FAT3: variants seen among roughly 807,000 people sequenced by gnomAD.
FAT3 encodes protocadherin Fat 3.
Under a neutral mutation model 310.2 loss-of-function variants are expected in FAT3, and 95 were observed. That is an observed-to-expected ratio of 0.31 (90% confidence interval 0.26 to 0.36). The LOEUF (loss-of-function observed/expected upper bound fraction) is 0.36. Among genes scored for constraint, FAT3 ranks in the 10% least tolerant of loss-of-function variants. The probability of loss-of-function intolerance (pLI) is 1.00; values close to 1 mark genes in which losing one functional copy is unlikely to be tolerated. For missense variants in FAT3, 5,408 were observed against 5,715.6 expected, an observed-to-expected ratio of 0.95 and a Z score of 1.74; for synonymous variants, 2,314 against 2,192.9, an observed-to-expected ratio of 1.06 and a Z score of -1.54.
intron 2 of FAT3, among the ~76,000 whole-genome samples, chr11:92,464,547 A>G (rs1426857041): frequency 6.6e-6 from 1 of 152,174 alleles, no homozygotes; most frequent in African/African-American, 2.4e-5. Flanking sequence ...CGTGGCATGG[A>G]TGCCTCAGCA....
chr11:92,560,131 T>C (rs1411248358), intron 3 of FAT3, among the ~76,000 whole-genome samples: 1 of 152,208 alleles, frequency 6.6e-6, no homozygotes, highest in Non-Finnish European at 1.5e-5. Flanking sequence ...TCTGACTTTT[T>C]GTTTTTAGCC....
intron 26 of FAT3, 25 bp downstream of exon 26, chr11:92,889,273 C>A: frequency 1.4e-6 from 1 of 690,778 alleles, no homozygotes; most frequent in Non-Finnish European, 2.7e-6. Context: ...TCTTCCATAG[C>A]ATTTCTTGAA....
chr11:92,538,621 C>A (rs930086039), intron 3 of FAT3, among the ~76,000 whole-genome samples: 2 of 152,066 alleles, frequency 1.3e-5, no homozygotes, highest in African/African-American at 4.8e-5. Context: ...ATACTACATA[C>A]TCATGTTTTG....
intron 2 of FAT3, among the ~76,000 whole-genome samples, chr11:92,465,593 C>T (rs1951739019): frequency 6.6e-6 from 1 of 152,104 alleles, no homozygotes; most frequent in East Asian, 1.9e-4. Context: ...AACCATCATT[C>T]TGAGCAAACT....
intron 3 of FAT3, among the ~76,000 whole-genome samples, chr11:92,690,833 G>A (rs545286431): frequency 2.5e-4 from 38 of 152,070 alleles, no homozygotes; most frequent in African/African-American, 8.9e-4. Flanking sequence ...GGAAAGAGGT[G>A]GAAATAGGGG....
intron 1 of FAT3, among the ~76,000 whole-genome samples, chr11:92,299,282 A>T (rs1946930198): frequency 6.6e-6 from 1 of 152,100 alleles, no homozygotes; most frequent in Non-Finnish European, 1.5e-5. Flanking sequence ...AAGAAAGACA[A>T]GATTTGCTTC....
In FAT3 at chr11:92,883,834, T is replaced by C. The variant is rs1565678382; in HGVS notation, c.12937+441T>C. Among the ~76,000 whole-genome samples, 2 of 152,228 alleles carry C rather than the reference T, an allele frequency of 1.3e-5. No homozygotes were observed. Among genetic ancestry groups the C allele is most frequent in the Non-Finnish European group, 2.9e-5 (2 of 68,052 alleles). On this transcript the variant is annotated intron_variant, in intron 24 of 27. Coordinates refer to ENST00000525166, the MANE Select transcript of FAT3 (RefSeq NM_001367949.2). This position sits in a 1 kb window ranked among gnomAD's most constrained non-coding sequence, Gnocchi z 4.2. ...TTGAGTGATGTCCAGAAGTGTGCTCTGGAAGGCTGGAAGAAGAGAGTATTT... is the reference window on the plus strand; with the variant it reads ...TTGAGTGATGTCCAGAAGTGTGCTCCGGAAGGCTGGAAGAAGAGAGTATTT...
At chr11:92,315,512 T>TATATATATAGAGAG (rs1353970811) in intron 1 of FAT3, among the ~76,000 whole-genome samples, 5 of 56,170 alleles carry the variant, frequency 8.9e-5, no homozygotes, top group Non-Finnish European at 1.3e-4. Flanking sequence ...TATATATATA[T>TATATATATAGAGAG]AGAGAGAGAG....
At chr11:92,492,855 GT>G (rs1185773757) in intron 2 of FAT3, among the ~76,000 whole-genome samples, 12 of 152,028 alleles carry the variant, frequency 7.9e-5, no homozygotes, top group African/African-American at 2.7e-4. Context: ...ACAAATGCTG[GT>G]TCCCTTCTCC....
chr11:92,702,309 A>G (rs1944122309), intron 4 of FAT3, among the ~76,000 whole-genome samples: 1 of 152,200 alleles, frequency 6.6e-6, no homozygotes, highest in South Asian at 2.1e-4. Flanking sequence ...GAATGCTTAC[A>G]TTAAGAGACG....
intron 1 of FAT3, among the ~76,000 whole-genome samples, chr11:92,320,099 AC>A (rs1947570768): frequency 6.6e-6 from 1 of 152,218 alleles, no homozygotes; most frequent in Non-Finnish European, 1.5e-5. Flanking sequence ...ATTCACTGAA[AC>A]AAAACTCTGG....
chr11:92,229,488 TCGTG>T (rs1262540317), intron 1 of FAT3, among the ~76,000 whole-genome samples: 5 of 124,572 alleles, frequency 4.0e-5, no homozygotes, highest in East Asian at 2.2e-4. Flanking sequence ...TTTTGTTTTT[TCGTG>T]TTTTTTTTTT....
intron 3 of FAT3, among the ~76,000 whole-genome samples, chr11:92,687,110 T>G (rs1943656852): frequency 1.3e-5 from 2 of 152,160 alleles, no homozygotes; most frequent in Admixed American, 6.6e-5. Flanking sequence ...CCCAGGGCTA[T>G]TAGGGTTTTT....
chr11:92,705,450 ATGGTGGTGTG>A (rs1944261032), intron 4 of FAT3, among the ~76,000 whole-genome samples: 1 of 48,136 alleles, frequency 2.1e-5, no homozygotes, highest in Non-Finnish European at 4.7e-5. Context: ...TGGTGGTGTG[ATGGTGGTGTG>A]ATGGTGGTGG....
At chr11:92,515,890 G>A (rs993479636) in intron 2 of FAT3, among the ~76,000 whole-genome samples, 6 of 152,072 alleles carry the variant, frequency 3.9e-5, no homozygotes, top group African/African-American at 1.4e-4. Context: ...GATCATCTAT[G>A]TACAAAACTA....
intron 3 of FAT3, among the ~76,000 whole-genome samples, chr11:92,664,609 G>T (rs1942895120): frequency 6.6e-6 from 1 of 152,058 alleles, no homozygotes; most frequent in Admixed American, 6.6e-5. Flanking sequence ...ACACACACAT[G>T]CACACTTTTT....
In FAT3 at chr11:92,688,009, A is replaced by T. The variant is rs991561677; in HGVS notation, c.3608-9375A>T. Among the ~76,000 whole-genome samples the T allele has an allele frequency of 2.6e-4, 40 of 151,820 alleles. 1 individual carries two copies. The highest frequency in any genetic ancestry group is 9.7e-4 in the African/African-American group (40 of 41,386). On this transcript the variant is annotated intron_variant, in intron 3 of 27. Transcript: ENST00000525166. ...TTGAGGCCAGGAATTTGAGACCAGG[A>T]ATTAGAGACCACATCTCTACCAAAA...
chr11:92,695,181 G>A (rs763434586), intron 3 of FAT3, among the ~76,000 whole-genome samples: 3 of 152,140 alleles, frequency 2.0e-5, no homozygotes. Flanking sequence ...GTCAGAAGAA[G>A]TAAGGTCAAT....
At chr11:92,768,213 T>G (rs1206885204) in intron 6 of FAT3, among the ~76,000 whole-genome samples, 1 of 152,206 alleles carries the variant, frequency 6.6e-6, no homozygotes, top group African/African-American at 2.4e-5. Flanking sequence ...GGGTTGTCCC[T>G]CTGGTCTGGA....
Sources: allele counts gnomAD v4.1 joint callset (sites outside exome capture counted in the v4.1 genomes callset), GRCh38; gene constraint gnomAD v4.1.1; non-coding constraint Gnocchi (gnomAD v3.1); transcripts MANE v1.5; gene names NCBI Gene and HGNC (gene_info 2026-07-23, HGNC 2026-07-21).